The following RNF115 variants were observed in gnomAD, a reference collection of about 807,000 sequenced individuals.
RNF115 encodes E3 ubiquitin-protein ligase RNF115.
Under a neutral mutation model 39.2 loss-of-function variants are expected in RNF115, and 31 were observed. That is an observed-to-expected ratio of 0.79 (90% confidence interval 0.59 to 1.07). The LOEUF is 1.07. Ranked by LOEUF, RNF115 falls within the 50% of genes least tolerant of loss-of-function variation. The pLI, the probability that RNF115 is intolerant of heterozygous loss-of-function variation, is 0.00. For missense variants in RNF115, 384 were observed against 381.7 expected (o/e 1.01, Z -0.05); for synonymous variants, 124 against 131.0 (o/e 0.95, Z 0.37).
At chr1:145,812,525 T>C (rs1553722818) in intron 1 of RNF115, among the ~76,000 whole-genome samples, 3 of 151,504 alleles carry the variant, frequency 2.0e-5, no homozygotes, top group Non-Finnish European at 2.9e-5. Flanking sequence ...CCAGGTGTGG[T>C]GGCGCACACC....
At chr1:145,747,074 G>A (rs1657904763) in intron 8 of RNF115, 77 bp from the exon 9 acceptor site, 2 of 1,415,656 alleles carry the variant, frequency 1.4e-6, no homozygotes, top group Non-Finnish European at 1.9e-6. Context: ...AAATAACCCT[G>A]AGAATTGTCA....
At chr1:145,823,728 G>C (rs782071859) in intron 1 of RNF115, 44 bp downstream of exon 1, 11 of 1,404,534 alleles carry the variant, frequency 7.8e-6, no homozygotes, top group Middle Eastern at 2.5e-4. Context: ...ATCGGGGCCA[G>C]GAATCTATGA....
At chr1:145,750,286 T>C (rs1658026903) in intron 7 of RNF115, 121 bp downstream of exon 7, 2 of 795,794 alleles carry the variant, frequency 2.5e-6, no homozygotes, top group Non-Finnish European at 4.0e-6. Context: ...TATTGGGATT[T>C]TTTTTCTTAT....
chr1:145,740,643 G>A lies in RNF115; in HGVS notation c.*6223C>T, dbSNP rs1553710872. On this transcript the variant is annotated 3_prime_UTR_variant, in exon 9 of 9. Coordinates refer to ENST00000582693, the MANE Select transcript of RNF115 (RefSeq NM_014455.4). Reference sequence around the variant, plus strand: ...CTGTGAGGCCATGAGGTTATCAGAAGGAATCTATATACCATAATCTTCAGC... The same window carrying A: ...CTGTGAGGCCATGAGGTTATCAGAAAGAATCTATATACCATAATCTTCAGC... 2 of 152,122 alleles carry A rather than the reference G, an allele frequency of 1.3e-5. No individual in the cohort carries two copies. The allele number at this position is 152,122 out of a possible 1,614,324, so 9.4% of individuals were successfully genotyped here. A position where few individuals can be genotyped will look rare whatever the true frequency, so the allele number is the denominator to read the frequency against.
At chr1:145,796,671 G>A (rs587632676) in intron 1 of RNF115, among the ~76,000 whole-genome samples, 1 of 152,162 alleles carries the variant, frequency 6.6e-6, no homozygotes, top group African/African-American at 2.4e-5. Flanking sequence ...ACAGGCATGA[G>A]CCACCACACT....
intron 3 of RNF115, among the ~76,000 whole-genome samples, chr1:145,781,437 A>G (rs189305399): frequency 6.6e-4 from 101 of 152,342 alleles, no homozygotes; most frequent in Non-Finnish European, 1.3e-3. Flanking sequence ...AAAACCTTAT[A>G]GCTTATGAAT....
chr1:145,783,753 G>A (rs2101557879), intron 3 of RNF115, among the ~76,000 whole-genome samples: 1 of 151,870 alleles, frequency 6.6e-6, no homozygotes, highest in African/African-American at 2.4e-5. Flanking sequence ...CTGGGTTGTA[G>A]TCTCTAAATG....
chr1:145,773,884 C>A (rs1647761981), intron 3 of RNF115: 1 of 151,856 alleles, frequency 6.6e-6, no homozygotes. Flanking sequence ...CAGAATCCCT[C>A]AGGAGGAAGA....
intron 4 of RNF115, among the ~76,000 whole-genome samples, chr1:145,763,951 C>T (rs1370533304): frequency 1.4e-5 from 2 of 144,042 alleles, no homozygotes; most frequent in South Asian, 2.3e-4. Flanking sequence ...CCATGGTCTC[C>T]CTCTGATGCC....
chr1:145,795,380 G>A (rs1553719804), intron 1 of RNF115, among the ~76,000 whole-genome samples: 1 of 152,040 alleles, frequency 6.6e-6, no homozygotes, highest in African/African-American at 2.4e-5. Context: ...GCTGCTGGCT[G>A]GTACGGCCAG....
At chr1:145,770,805 CTAAA>C (rs1182573503) in intron 4 of RNF115, among the ~76,000 whole-genome samples, 14 of 152,194 alleles carry the variant, frequency 9.2e-5, no homozygotes, top group Admixed American at 9.2e-4. Flanking sequence ...ATTATTCCAA[CTAAA>C]TGAGATCCAT....
intron 4 of RNF115, among the ~76,000 whole-genome samples, chr1:145,760,855 T>C (rs958271227): frequency 1.3e-5 from 2 of 152,012 alleles, no homozygotes; most frequent in South Asian, 4.2e-4. Context: ...GACAAGAAAA[T>C]GTGGGAAAAT....
chr1:145,797,445 A>G (rs777686722), intron 1 of RNF115, among the ~76,000 whole-genome samples: 1 of 152,180 alleles, frequency 6.6e-6, no homozygotes, highest in African/African-American at 2.4e-5. Flanking sequence ...ACTTAACACA[A>G]TATCCTCAAG....
intron 1 of RNF115, among the ~76,000 whole-genome samples, chr1:145,812,603 T>G (rs1649780721): frequency 6.6e-6 from 1 of 151,466 alleles, no homozygotes; most frequent in South Asian, 2.1e-4. Flanking sequence ...GAGGTTGCAG[T>G]GAGCCAAGAT....
intron 4 of RNF115, among the ~76,000 whole-genome samples, chr1:145,771,357 C>T (rs1647629864): frequency 2.0e-5 from 3 of 152,178 alleles, no homozygotes; most frequent in Non-Finnish European, 4.4e-5. Flanking sequence ...ATGTGGATCC[C>T]TCAACCTTGG....
At chr1:145,802,587 A>C (rs774144620) in intron 1 of RNF115, among the ~76,000 whole-genome samples, 12 of 152,140 alleles carry the variant, frequency 7.9e-5, no homozygotes, top group Non-Finnish European at 1.6e-4. Context: ...CTTTTTTCCT[A>C]ATTTCACAGC....
chr1:145,774,550 CA>C (rs1248659546), intron 3 of RNF115, among the ~76,000 whole-genome samples: 1 of 152,034 alleles, frequency 6.6e-6, no homozygotes, highest in Non-Finnish European at 1.5e-5. Flanking sequence ...GGGGTTTCAC[CA>C]TGTTGGCCAG....
chr1:145,794,494 ATC>A (rs1472532728), intron 1 of RNF115, among the ~76,000 whole-genome samples: 11 of 139,776 alleles, frequency 7.9e-5, no homozygotes, highest in Admixed American at 1.5e-4. Flanking sequence ...GGGGCATCTA[ATC>A]TCTTTCTTTT....
chr1:145,752,853 C>G (rs1553712672), intron 5 of RNF115, 125 bp downstream of exon 5: 1 of 643,122 alleles, frequency 1.6e-6, no homozygotes, highest in East Asian at 2.8e-5. Context: ...TCCCAAAGTG[C>G]TGGGATTAGA....
Sources: allele counts gnomAD v4.1 joint callset (sites outside exome capture counted in the v4.1 genomes callset), GRCh38; gene constraint gnomAD v4.1.1; transcripts MANE v1.5; gene names NCBI Gene and HGNC (gene_info 2026-07-23, HGNC 2026-07-21).